The following KIF6 variants were observed in gnomAD, a reference collection of about 807,000 sequenced individuals.
KIF6 encodes the protein kinesin family member 6.
In KIF6, 106 loss-of-function variants were observed where a neutral mutation model predicts 112.7. That is an observed-to-expected ratio of 0.94 (90% confidence interval 0.80 to 1.11). The LOEUF (loss-of-function observed/expected upper bound fraction) is 1.11. KIF6 is among the 50% of genes least tolerant of loss of function. The pLI is 0.00. For missense variants in KIF6, 929 were observed against 964.0 expected (o/e 0.96, Z 0.48); for synonymous variants, 339 against 339.9 (o/e 1.00, Z 0.03).
intron 13 of KIF6, among the ~76,000 whole-genome samples, chr6:39,485,413 C>T (rs1775053485): frequency 2.0e-5 from 3 of 152,110 alleles, no homozygotes; most frequent in African/African-American, 7.2e-5. Flanking sequence ...CTTCACAGCA[C>T]TCATGATGTA....
At chr6:39,666,950 C>A (rs1582403873) in intron 3 of KIF6, among the ~76,000 whole-genome samples, 1 of 152,156 alleles carries the variant, frequency 6.6e-6, no homozygotes, top group South Asian at 2.1e-4. Context: ...TAATAATTAG[C>A]TTTTAAACTT....
rs576721368 is a variant in KIF6 at position 39,694,939 on chromosome 6, C to G, written c.251+19753G>C. On this transcript the variant is annotated intron_variant, in intron 3 of 22. Transcript: ENST00000287152. Reference sequence around the variant, plus strand: ...AATTATACTACAAGGCTACAGTAATCAAAAAAGCATAGTACTATTACAAAA... The same window carrying G: ...AATTATACTACAAGGCTACAGTAATGAAAAAAGCATAGTACTATTACAAAA... Among the ~76,000 whole-genome samples the G allele has an allele frequency of 2.8e-4, 43 of 152,116 alleles. No individual in the cohort carries two copies. The South Asian group carries it at 8.9e-3, about 32-fold the overall frequency.
At chr6:39,523,153 A>G (rs1344633718) in intron 13 of KIF6, among the ~76,000 whole-genome samples, 1 of 152,134 alleles carries the variant, frequency 6.6e-6, no homozygotes, top group Non-Finnish European at 1.5e-5. Flanking sequence ...ATCCTAGGTT[A>G]TTCATCTTAC....
At chr6:39,678,308 A>G (rs1044723326) in intron 3 of KIF6, among the ~76,000 whole-genome samples, 1 of 152,166 alleles carries the variant, frequency 6.6e-6, no homozygotes, top group Non-Finnish European at 1.5e-5. Flanking sequence ...CTGGGTATAT[A>G]CCCAAATGAG....
At chr6:39,367,539 G>A (rs1765657280) in intron 16 of KIF6, among the ~76,000 whole-genome samples, 2 of 152,208 alleles carry the variant, frequency 1.3e-5, no homozygotes. Context: ...TGGCACACAG[G>A]AAGAAGCCCT....
chr6:39,483,447 T>C (rs1205124545), intron 13 of KIF6, among the ~76,000 whole-genome samples: 1 of 152,158 alleles, frequency 6.6e-6, no homozygotes, highest in Non-Finnish European at 1.5e-5. Flanking sequence ...AACAGTAACT[T>C]TTAAAAAGAT....
chr6:39,501,567 A>T (rs1190496975), intron 13 of KIF6, among the ~76,000 whole-genome samples: 2 of 152,200 alleles, frequency 1.3e-5, no homozygotes, highest in Non-Finnish European at 2.9e-5. Context: ...CAATGCAAAG[A>T]CACTAAGAAT....
At chr6:39,652,766 G>A (rs1785552280) in intron 3 of KIF6, among the ~76,000 whole-genome samples, 1 of 152,022 alleles carries the variant, frequency 6.6e-6, no homozygotes, top group Non-Finnish European at 1.5e-5. Context: ...CCTTAGAGAA[G>A]TTAACTATAT....
intron 5 of KIF6, among the ~76,000 whole-genome samples, chr6:39,618,637 C>T (rs1783655515): frequency 6.6e-6 from 1 of 152,172 alleles, no homozygotes; most frequent in Admixed American, 6.6e-5. Context: ...CCCTACAAAT[C>T]ACAAAATCTA....
At chr6:39,632,365 T>G (rs1784400569) in intron 5 of KIF6, among the ~76,000 whole-genome samples, 2 of 152,104 alleles carry the variant, frequency 1.3e-5, no homozygotes, top group African/African-American at 4.8e-5. Flanking sequence ...AGAGATAAAA[T>G]GGGTATATTG....
intron 19 of KIF6, among the ~76,000 whole-genome samples, chr6:39,348,196 G>T (rs1763951843): frequency 6.6e-6 from 1 of 152,182 alleles, no homozygotes; most frequent in Non-Finnish European, 1.5e-5. Flanking sequence ...CAAGACCAAG[G>T]CACTGGCACA....
intron 13 of KIF6, among the ~76,000 whole-genome samples, chr6:39,439,471 A>G (rs1177120225): frequency 6.6e-6 from 1 of 152,224 alleles, no homozygotes; most frequent in Non-Finnish European, 1.5e-5. Flanking sequence ...GGAATTTCTG[A>G]GTCTCATTCT....
intron 13 of KIF6, among the ~76,000 whole-genome samples, chr6:39,442,294 G>GA (rs919991748): frequency 6.6e-6 from 1 of 152,312 alleles, no homozygotes; most frequent in African/African-American, 2.4e-5. Flanking sequence ...TGGAGCCTCT[G>GA]AAAAAATGGC....
At chr6:39,355,080 G>C (rs2150245833) in intron 19 of KIF6, among the ~76,000 whole-genome samples, 1 of 152,236 alleles carries the variant, frequency 6.6e-6, no homozygotes, top group South Asian at 2.1e-4. Context: ...CAACTACTCA[G>C]GAGGCTGAGG....
chr6:39,631,342 T>C (rs1327983454), intron 5 of KIF6, among the ~76,000 whole-genome samples: 1 of 152,080 alleles, frequency 6.6e-6, no homozygotes, highest in Non-Finnish European at 1.5e-5. Context: ...ATGGTGAGAA[T>C]GGACATTGTT....
rs1037244197 is a variant in KIF6 at position 39,620,037 on chromosome 6, C to T, written c.510-6719G>A. On this transcript the variant is annotated intron_variant, in intron 5 of 22. Transcript: ENST00000287152. Reference sequence around the variant, plus strand: ...GTTTATCATACACTTATCTATTGCCCGCCAGACATCATCATTTGCATGCTT... The same window carrying T: ...GTTTATCATACACTTATCTATTGCCTGCCAGACATCATCATTTGCATGCTT... Among the ~76,000 whole-genome samples, 7 of 152,160 alleles carry T rather than the reference C, an allele frequency of 4.6e-5. No individual in the cohort carries two copies. In the East Asian group the frequency reaches 9.6e-4, roughly 21 times the overall value.
intron 13 of KIF6, among the ~76,000 whole-genome samples, chr6:39,453,338 A>G (rs139371125): frequency 2.2e-4 from 33 of 152,356 alleles, no homozygotes; most frequent in African/African-American, 7.9e-4. Flanking sequence ...GTGGACTGAA[A>G]GGCAATGTCG....
intron 3 of KIF6, among the ~76,000 whole-genome samples, chr6:39,698,016 T>C (rs548839345): frequency 1.4e-4 from 21 of 152,324 alleles, no homozygotes; most frequent in Admixed American, 1.2e-3. Context: ...TAATATCACA[T>C]GGAAATTGGG....
intron 13 of KIF6, among the ~76,000 whole-genome samples, chr6:39,522,734 C>A (rs2150527899): frequency 6.6e-6 from 1 of 152,356 alleles, no homozygotes; most frequent in African/African-American, 2.4e-5. Flanking sequence ...AGCTTTCCTT[C>A]TGAGATCTTG....
Sources: gnomAD v4.1 joint callset for allele counts (sites outside exome capture counted in the v4.1 genomes callset) on GRCh38, gnomAD v4.1.1 for gene constraint, MANE v1.5 for transcripts, NCBI Gene and HGNC (gene_info 2026-07-23, HGNC 2026-07-21) for gene names.